The following KCNIP4 variants were observed in gnomAD, a reference collection of about 807,000 sequenced individuals.
The protein encoded by KCNIP4 is potassium voltage-gated channel interacting protein 4.
Under a neutral mutation model 34.0 loss-of-function variants are expected in KCNIP4, and 12 were observed. The observed-to-expected ratio is 0.35, with a 90% CI of 0.23 to 0.57. KCNIP4 has a LOEUF of 0.57. Ranked by LOEUF, KCNIP4 falls within the 20% of genes least tolerant of loss-of-function variation. The pLI, the probability that KCNIP4 is intolerant of heterozygous loss-of-function variation, is 0.83. For synonymous variants in KCNIP4, 124 were observed against 102.2 expected (o/e 1.21, Z -1.29); for missense variants, 238 against 311.7 (o/e 0.76, Z 1.78).
At chr4:21,757,257 GAAAAGAAAAGAAAAGAAAAGAAAAGA>G (rs1717711979) in intron 1 of KCNIP4, among the ~76,000 whole-genome samples, 1 of 29,272 alleles carries the variant, frequency 3.4e-5, no homozygotes, top group African/African-American at 3.1e-4. Context: ...GAAAAGAAAA[GAAAAGAAAAGAAAAGAAAAGAAAAGA>G]AAAGAGAAAA....
Position 21,433,693 on chromosome 4 carries a change from G to T in KCNIP4, c.61+514878C>A, listed in dbSNP as rs1726699061. On this transcript the variant is annotated intron_variant, in intron 1 of 8. Coordinates refer to ENST00000382152, the MANE Select transcript of KCNIP4 (RefSeq NM_025221.6). ...TTAATTATCTTCTCTTCTCAATCATGCCCCAGCCTTCTAGTCTATCTCCAA... is the reference window on the plus strand; with the variant it reads ...TTAATTATCTTCTCTTCTCAATCATTCCCCAGCCTTCTAGTCTATCTCCAA... Among the ~76,000 whole-genome samples the T allele has an allele frequency of 2.0e-5, 3 of 152,018 alleles. No individual in the cohort carries two copies. In the South Asian group the frequency reaches 6.2e-4, roughly 32 times the overall value.
At position 21,260,849 on chromosome 4, in the gene KCNIP4, A is replaced by ATGAT. The variant is rs1276559503; in HGVS notation, c.62-378141_62-378140insATCA. 7.9e-4 allele frequency among the ~76,000 whole-genome samples: 120 copies of ATGAT among 152,178 alleles called. 1 individual carries two copies. The highest frequency in any genetic ancestry group is 9.4e-4 in the Non-Finnish European group (64 of 68,042). On this transcript the variant is annotated intron_variant, in intron 1 of 8. Transcript: ENST00000382152. ...GACTGATATTCCTAATGGTGATGTG[A>ATGAT]CTTATTTAAGATCAAACAGATAAGC...
intron 1 of KCNIP4, among the ~76,000 whole-genome samples, chr4:21,048,782 T>C (rs545328449): frequency 6.6e-6 from 1 of 152,162 alleles, no homozygotes; most frequent in Non-Finnish European, 1.5e-5. Flanking sequence ...CTATGCTAAC[T>C]GTAGGCCTAG....
intron 1 of KCNIP4, among the ~76,000 whole-genome samples, chr4:21,941,608 T>G (rs368096310): frequency 2.6e-5 from 4 of 152,250 alleles, no homozygotes; most frequent in African/African-American, 9.6e-5. Context: ...AACCAAAAAG[T>G]TAAAAATTGT....
chr4:21,727,148 A>C (rs776023505), intron 1 of KCNIP4, among the ~76,000 whole-genome samples: 1 of 152,188 alleles, frequency 6.6e-6, no homozygotes, highest in Admixed American at 6.6e-5. Context: ...TCAAACACCC[A>C]ATGTGATAGT....
In KCNIP4 at chr4:21,254,744, T is replaced by C. The variant is rs1760944803; in HGVS notation, c.62-372035A>G. ...AAAATTAAGGCTGAGAAGAGGAAAA[T>C]GAGTTGCCCCCAAGAGTTCACATTT... On this transcript the variant is annotated intron_variant, in intron 1 of 8. Transcript: ENST00000382152. 1.3e-5 allele frequency among the ~76,000 whole-genome samples: 2 copies of C among 152,104 alleles called. 1 individual carries two copies. Among genetic ancestry groups the C allele is most frequent in the South Asian group, 4.1e-4 (2 of 4,826 alleles).
chr4:20,751,841 C>T (rs1191424475), intron 4 of KCNIP4, among the ~76,000 whole-genome samples: 1 of 152,130 alleles, frequency 6.6e-6, no homozygotes, highest in African/African-American at 2.4e-5. Flanking sequence ...CTAAATGTGC[C>T]TCTGCAGTTC....
chr4:21,432,329 T>C (rs915677790), intron 1 of KCNIP4, among the ~76,000 whole-genome samples: 2 of 151,582 alleles, frequency 1.3e-5, no homozygotes, highest in African/African-American at 4.8e-5. Context: ...ATAAACATTG[T>C]TAGTCTACAT....
At chr4:21,902,556 C>T (rs1727766714) in intron 1 of KCNIP4, among the ~76,000 whole-genome samples, 1 of 151,844 alleles carries the variant, frequency 6.6e-6, no homozygotes, top group African/African-American at 2.4e-5. Flanking sequence ...CAAAAAGGTG[C>T]TAGATATTAT....
intron 1 of KCNIP4, among the ~76,000 whole-genome samples, chr4:21,021,456 C>A (rs1740025878): frequency 6.6e-6 from 1 of 152,138 alleles, no homozygotes; most frequent in Non-Finnish European, 1.5e-5. Flanking sequence ...TTTTTAAAAG[C>A]ATTTTGACTC....
intron 1 of KCNIP4, among the ~76,000 whole-genome samples, chr4:21,025,890 A>G (rs1740519924): frequency 6.6e-6 from 1 of 152,094 alleles, no homozygotes; most frequent in African/African-American, 2.4e-5. Context: ...TAATGATTTA[A>G]TAACTATTTA....
chr4:21,193,413 G>A (rs945818862), intron 1 of KCNIP4, among the ~76,000 whole-genome samples: 3 of 152,060 alleles, frequency 2.0e-5, no homozygotes, highest in African/African-American at 7.2e-5. Flanking sequence ...TGTTTAAATA[G>A]GGTCCTGCTC....
intron 1 of KCNIP4, among the ~76,000 whole-genome samples, chr4:21,200,155 C>T (rs1756360447): frequency 1.3e-5 from 2 of 151,650 alleles, no homozygotes; most frequent in African/African-American, 4.9e-5. Flanking sequence ...CAAACCTGCA[C>T]ATTGTGCACA....
At chr4:20,987,432 CACT>C (rs972452040) in intron 1 of KCNIP4, among the ~76,000 whole-genome samples, 1 of 152,016 alleles carries the variant, frequency 6.6e-6, no homozygotes, top group Non-Finnish European at 1.5e-5. Flanking sequence ...ACCAAAGGTA[CACT>C]AAAGGCTTTT....
At chr4:20,749,211 AAG>A (rs1268129520) in intron 5 of KCNIP4, among the ~76,000 whole-genome samples, 1 of 150,814 alleles carries the variant, frequency 6.6e-6, no homozygotes, top group Non-Finnish European at 1.5e-5. Flanking sequence ...GTAATTTAAA[AAG>A]AGATTTCCTC....
chr4:20,857,392 TTGTTGTATGCCAGGAGA>T (rs1332614140), intron 2 of KCNIP4, among the ~76,000 whole-genome samples: 1 of 152,146 alleles, frequency 6.6e-6, no homozygotes, highest in Non-Finnish European at 1.5e-5. Context: ...TATTGAGCCC[TTGTTGTATGCCAGGAGA>T]TGGGCAAGGT....
intron 1 of KCNIP4, among the ~76,000 whole-genome samples, chr4:21,652,456 G>T (rs1248010265): frequency 1.3e-5 from 2 of 152,070 alleles, no homozygotes; most frequent in African/African-American, 2.4e-5. Flanking sequence ...TGACCCAAAG[G>T]AATATTCTAG....
intron 2 of KCNIP4, among the ~76,000 whole-genome samples, chr4:20,855,666 C>T (rs1402108505): frequency 6.8e-6 from 1 of 147,424 alleles, no homozygotes; most frequent in South Asian, 2.1e-4. Context: ...AAGGAGTTTA[C>T]AAAAAAAAAA....
At chr4:20,809,328 G>T (rs1400646399) in intron 3 of KCNIP4, among the ~76,000 whole-genome samples, 2 of 152,290 alleles carry the variant, frequency 1.3e-5, no homozygotes, top group African/African-American at 2.4e-5. Context: ...GGGCTTAAAA[G>T]GTTGTTAGGG....
Sources: gnomAD v4.1 joint callset for allele counts (sites outside exome capture counted in the v4.1 genomes callset) on GRCh38, gnomAD v4.1.1 for gene constraint, MANE v1.5 for transcripts, NCBI Gene and HGNC (gene_info 2026-07-23, HGNC 2026-07-21) for gene names.